The following TAFA2 variants were observed in gnomAD, a reference collection of about 807,000 sequenced individuals.
TAFA2 encodes the protein chemokine-like protein TAFA-2.
TAFA2 carries 7 observed loss-of-function variants against 18.8 expected under a neutral mutation model. The ratio of observed to expected loss-of-function variants is 0.37; its 90% CI spans 0.21 to 0.70. TAFA2 has a LOEUF of 0.70. TAFA2 is among the 30% of genes least tolerant of loss of function. The pLI is 0.53. For synonymous variants in TAFA2, 60 were observed against 54.2 expected (o/e 1.11, Z -0.47); for missense variants, 122 against 158.1 (o/e 0.77, Z 1.23).
At chr12:61,917,867 A>G (rs1876889860) in intron 1 of TAFA2, among the ~76,000 whole-genome samples, 1 of 152,232 alleles carries the variant, frequency 6.6e-6, no homozygotes, top group Non-Finnish European at 1.5e-5. Context: ...AGAATCAGTA[A>G]TTAGGTTCTG....
At chr12:62,220,851 T>TG in intron 1 of TAFA2, among the ~76,000 whole-genome samples, 1 of 152,008 alleles carries the variant, frequency 6.6e-6, no homozygotes, top group South Asian at 2.1e-4. Flanking sequence ...CTCACGCCTG[T>TG]AAGACCAGCA....
At chr12:62,224,711 G>A (rs1363042223) in intron 1 of TAFA2, among the ~76,000 whole-genome samples, 2 of 151,988 alleles carry the variant, frequency 1.3e-5, no homozygotes, top group African/African-American at 4.8e-5. Context: ...GGAGGGATGG[G>A]GAGTTATTGT....
chr12:61,901,259 C>CTTTTTTTTTT lies in TAFA2; in HGVS notation c.-1-33843_-1-33834dup, dbSNP rs1203233805. ...TCCAAGTTTTAACTCTTCAATTTCA[C>CTTTTTTTTTT]TTTTTTTTTTTTTTTTTTTTTTTTT... On this transcript the variant is annotated intron_variant, in intron 1 of 4. Coordinates refer to ENST00000416284, the MANE Select transcript of TAFA2 (RefSeq NM_178539.5). Among the ~76,000 whole-genome samples, 13 of 10,900 alleles carry CTTTTTTTTTT rather than the reference C, an allele frequency of 1.2e-3. 1 individual carries two copies. The highest frequency in any genetic ancestry group is 1.3e-3 in the Non-Finnish European group (9 of 6,814). The allele number at this position is 10,900 out of a possible 152,430, so 7.2% of individuals were successfully genotyped here.
chr12:62,036,457 G>C lies in TAFA2; in HGVS notation c.-2+154802C>G, dbSNP rs1372404320. Among the ~76,000 whole-genome samples, 8 of 152,126 alleles carry C rather than the reference G, an allele frequency of 5.3e-5. No individual in the cohort carries two copies. In the East Asian group the frequency reaches 1.2e-3, roughly 22 times the overall value. Reference sequence around the variant, plus strand: ...TTCCCAAAATGTTCTGAATTACCTCGACAGAAGTGGGAACAGGGCCACTAG... The same window carrying C: ...TTCCCAAAATGTTCTGAATTACCTCCACAGAAGTGGGAACAGGGCCACTAG... On this transcript the variant is annotated intron_variant, in intron 1 of 4. Transcript: ENST00000416284.
At chr12:62,094,853 C>A (rs368230548) in intron 1 of TAFA2, among the ~76,000 whole-genome samples, 29 of 152,092 alleles carry the variant, frequency 1.9e-4, no homozygotes, top group African/African-American at 6.7e-4. Context: ...AACTACTGCA[C>A]TCCATTCTGA....
chr12:61,981,502 T>A (rs975593839), intron 1 of TAFA2, among the ~76,000 whole-genome samples: 2 of 152,130 alleles, frequency 1.3e-5, no homozygotes, highest in Admixed American at 6.5e-5. Context: ...CAAAAGAAAC[T>A]ACCATCACAG....
chr12:61,862,699 T>A (rs1874177227), intron 2 of TAFA2, among the ~76,000 whole-genome samples: 3 of 152,330 alleles, frequency 2.0e-5, no homozygotes, highest in Admixed American at 2.0e-4. Context: ...TTTCTAATTC[T>A]CTATGGCATG....
At position 62,231,209 on chromosome 12, in the gene TAFA2, T is replaced by G. The variant is rs145563355; in HGVS notation, c.-130+27554A>C. ...ATCTATTAATGTTTGCTTTATATAT[T>G]TGCTTTATATATTTATATGTTTGCT... On this transcript the variant is annotated intron_variant, in intron 1 of 5. Transcript: ENST00000551619. Among the ~76,000 whole-genome samples the G allele has an allele frequency of 2.3e-4, 35 of 152,322 alleles. No homozygotes were observed. The East Asian group carries it at 6.0e-3, about 26-fold the overall frequency.
At chr12:61,973,887 G>A (rs571463955) in intron 1 of TAFA2, among the ~76,000 whole-genome samples, 1 of 151,770 alleles carries the variant, frequency 6.6e-6, no homozygotes, top group East Asian at 1.9e-4. Flanking sequence ...CCAAGTTTGA[G>A]AACCAGTGCT....
At chr12:61,758,218 A>G (rs1869368171) in intron 2 of TAFA2, among the ~76,000 whole-genome samples, 1 of 152,042 alleles carries the variant, frequency 6.6e-6, no homozygotes, top group African/African-American at 2.4e-5. Flanking sequence ...ATAGTTATAA[A>G]AAGTCTTTCA....
intron 1 of TAFA2, among the ~76,000 whole-genome samples, chr12:62,238,751 T>C (rs985081246): frequency 1.3e-5 from 2 of 152,226 alleles, no homozygotes; most frequent in Non-Finnish European, 2.9e-5. Context: ...TACTAAATAT[T>C]TGTTGAACTA....
chr12:61,962,021 G>A (rs899892750), intron 1 of TAFA2, among the ~76,000 whole-genome samples: 4 of 151,824 alleles, frequency 2.6e-5, no homozygotes, highest in Admixed American at 6.6e-5. Flanking sequence ...TTTGAACTTC[G>A]CTTATAGTAA....
At chr12:61,787,207 T>C (rs76684892) in intron 2 of TAFA2, among the ~76,000 whole-genome samples, 3,926 of 151,280 alleles carry the variant, frequency 0.026, 163 homozygotes, top group African/African-American at 0.09. Flanking sequence ...AATATTATAC[T>C]CAACAAAGCT....
At chr12:61,856,971 T>C (rs964092900) in intron 2 of TAFA2, among the ~76,000 whole-genome samples, 1 of 151,722 alleles carries the variant, frequency 6.6e-6, no homozygotes, top group Non-Finnish European at 1.5e-5. Context: ...AAATACAGTA[T>C]AGTCTTAATA....
chr12:61,861,768 C>T (rs1053240310), intron 2 of TAFA2, among the ~76,000 whole-genome samples: 1 of 152,130 alleles, frequency 6.6e-6, no homozygotes, highest in African/African-American at 2.4e-5. Context: ...ACTGTATACA[C>T]ATAATGAAAC....
At chr12:61,956,418 T>C (rs187457853) in intron 1 of TAFA2, among the ~76,000 whole-genome samples, 99 of 152,228 alleles carry the variant, frequency 6.5e-4, no homozygotes, top group Middle Eastern at 3.4e-3. Flanking sequence ...ATGAATAATA[T>C]TGATTTGATA....
chr12:62,128,515 G>A (rs1314466490), intron 1 of TAFA2, among the ~76,000 whole-genome samples: 1 of 152,018 alleles, frequency 6.6e-6, no homozygotes, highest in East Asian at 1.9e-4. Context: ...CAGCACAGGT[G>A]TAAATTGCTT....
chr12:61,931,997 T>C (rs954957286), intron 1 of TAFA2, among the ~76,000 whole-genome samples: 4 of 152,192 alleles, frequency 2.6e-5, no homozygotes, highest in Admixed American at 6.5e-5. Context: ...CTTTGCCTCA[T>C]ACCTTTTTCA....
At chr12:62,151,215 C>T (rs1299671971) in intron 1 of TAFA2, among the ~76,000 whole-genome samples, 1 of 152,122 alleles carries the variant, frequency 6.6e-6, no homozygotes, top group African/African-American at 2.4e-5. Context: ...AAACCCAGAT[C>T]CGAGGTCACC....
Sources: allele counts gnomAD v4.1 joint callset (sites outside exome capture counted in the v4.1 genomes callset), GRCh38; gene constraint gnomAD v4.1.1; transcripts MANE v1.5; gene names NCBI Gene and HGNC (gene_info 2026-07-23, HGNC 2026-07-21).